The following PRKG1 variants were observed in gnomAD, a reference collection of about 807,000 sequenced individuals.
The protein encoded by PRKG1 is cGMP-dependent protein kinase 1.
Under a neutral mutation model 88.1 loss-of-function variants are expected in PRKG1, and 35 were observed. That is an observed-to-expected ratio of 0.40 (90% confidence interval 0.30 to 0.53). The LOEUF (loss-of-function observed/expected upper bound fraction) is 0.53, where lower values mean the gene tolerates loss of function less well. Among genes scored for constraint, PRKG1 ranks in the 20% least tolerant of loss-of-function variants. PRKG1 has a pLI of 0.59. For synonymous variants in PRKG1, 303 were observed against 292.5 expected (o/e 1.04, Z -0.37); for missense variants, 540 against 839.8 (o/e 0.64, Z 4.41).
intron 3 of PRKG1, among the ~76,000 whole-genome samples, chr10:51,513,626 C>A: frequency 1.2e-5 from 1 of 80,374 alleles, no homozygotes. Context: ...TGTAAAAGAA[C>A]AGAAATTATA....
intron 3 of PRKG1, among the ~76,000 whole-genome samples, chr10:51,559,117 A>G (rs915638585): frequency 1.3e-5 from 2 of 152,034 alleles, no homozygotes; most frequent in Non-Finnish European, 2.9e-5. Context: ...AGATATACAT[A>G]TATATATGGC....
chr10:52,272,823 A>G (rs1458993491), intron 12 of PRKG1, among the ~76,000 whole-genome samples: 1 of 152,094 alleles, frequency 6.6e-6, no homozygotes, highest in East Asian at 1.9e-4. Context: ...TAGTTATTTT[A>G]TAATTATAAT....
At chr10:51,871,390 T>A (rs537169827) in intron 4 of PRKG1, among the ~76,000 whole-genome samples, 2 of 152,248 alleles carry the variant, frequency 1.3e-5, no homozygotes, top group Non-Finnish European at 2.9e-5. Flanking sequence ...GCTTCCCCCA[T>A]CTCTAGGACT....
chr10:51,280,423 C>T (rs1444052892), intron 2 of PRKG1, among the ~76,000 whole-genome samples: 1 of 152,182 alleles, frequency 6.6e-6, no homozygotes, highest in Non-Finnish European at 1.5e-5. Context: ...GCCTGCCTTG[C>T]TAGGTTGGGG....
intron 5 of PRKG1, among the ~76,000 whole-genome samples, chr10:52,007,452 C>T (rs947183573): frequency 2.6e-5 from 4 of 152,058 alleles, no homozygotes; most frequent in African/African-American, 9.7e-5. Flanking sequence ...GCAAAGAAAA[C>T]ACAGAATAAA....
intron 8 of PRKG1, among the ~76,000 whole-genome samples, chr10:52,148,470 A>G (rs943973399): frequency 3.8e-4 from 58 of 152,348 alleles, no homozygotes; most frequent in African/African-American, 1.3e-3. Context: ...AAAACTGAAC[A>G]TATCTTAAAC....
intron 3 of PRKG1, among the ~76,000 whole-genome samples, chr10:51,483,579 C>T (rs1840435171): frequency 6.6e-6 from 1 of 152,166 alleles, no homozygotes; most frequent in Non-Finnish European, 1.5e-5. Flanking sequence ...CACAATTCCA[C>T]TTTCCAGTTT....
At chr10:51,907,865 C>G in intron 5 of PRKG1, 1 of 267,450 alleles carries the variant, frequency 3.7e-6, no homozygotes, top group Non-Finnish European at 7.0e-6. Context: ...CTTATTTTAA[C>G]TAGTGTAAAG....
chr10:51,044,267 A>G (rs556187386), intron 1 of PRKG1, among the ~76,000 whole-genome samples: 12 of 152,190 alleles, frequency 7.9e-5, no homozygotes, highest in Non-Finnish European at 1.3e-4. Flanking sequence ...AGATGAGCCT[A>G]AACTGGGTCT....
intron 3 of PRKG1, among the ~76,000 whole-genome samples, chr10:51,783,130 C>T (rs548262172): frequency 6.6e-6 from 1 of 152,096 alleles, no homozygotes; most frequent in African/African-American, 2.4e-5. Context: ...ATTAAATTGC[C>T]TCCTGATTTT....
intron 5 of PRKG1, among the ~76,000 whole-genome samples, chr10:51,941,965 C>T (rs1343279717): frequency 2.0e-5 from 3 of 151,860 alleles, no homozygotes; most frequent in Non-Finnish European, 4.4e-5. Context: ...GGGTATATAC[C>T]CAGTAAGGGG....
intron 4 of PRKG1, among the ~76,000 whole-genome samples, chr10:51,886,379 T>C (rs1841569567): frequency 6.6e-6 from 1 of 152,226 alleles, no homozygotes; most frequent in Non-Finnish European, 1.5e-5. Flanking sequence ...TTTAAAGATA[T>C]GGCAAAAGGA....
chr10:51,260,530 A>G (rs1839679073), intron 2 of PRKG1, among the ~76,000 whole-genome samples: 1 of 152,200 alleles, frequency 6.6e-6, no homozygotes, highest in Admixed American at 6.5e-5. Context: ...GTATTTCTAG[A>G]CTAGCACTAA....
At chr10:51,151,569 G>GT (rs11326259) in intron 1 of PRKG1, among the ~76,000 whole-genome samples, 186 of 146,192 alleles carry the variant, frequency 1.3e-3, no homozygotes, top group East Asian at 6.5e-3. Context: ...TTTTGTTTTT[G>GT]TTTTTTTTTT....
chr10:51,384,670 T>G (rs1837201848), intron 2 of PRKG1, among the ~76,000 whole-genome samples: 1 of 152,126 alleles, frequency 6.6e-6, no homozygotes, highest in South Asian at 2.1e-4. Flanking sequence ...TCCTCTCTAT[T>G]ATTAGACTCT....
At chr10:51,756,050 A>T (rs1837851571) in intron 3 of PRKG1, among the ~76,000 whole-genome samples, 1 of 152,252 alleles carries the variant, frequency 6.6e-6, no homozygotes, top group South Asian at 2.1e-4. Flanking sequence ...AAATGATAGG[A>T]GAAACATATA....
At chr10:51,960,242 T>C (rs745856579) in intron 5 of PRKG1, among the ~76,000 whole-genome samples, 3 of 152,040 alleles carry the variant, frequency 2.0e-5, no homozygotes, top group Non-Finnish European at 4.4e-5. Flanking sequence ...TGAACTCATT[T>C]AAATGAGCTA....
At chr10:51,844,188 C>G (rs1314171671) in intron 4 of PRKG1, among the ~76,000 whole-genome samples, 1 of 151,980 alleles carries the variant, frequency 6.6e-6, no homozygotes, top group Non-Finnish European at 1.5e-5. Flanking sequence ...ATGCTGATGG[C>G]AATCATGAGC....
intron 2 of PRKG1, among the ~76,000 whole-genome samples, chr10:51,277,075 T>C (rs752223105): frequency 6.6e-6 from 1 of 152,242 alleles, no homozygotes; most frequent in Non-Finnish European, 1.5e-5. Flanking sequence ...AGTTTTCTTC[T>C]AGGGTTTTTA....
Sources: gnomAD v4.1 joint callset for allele counts (sites outside exome capture counted in the v4.1 genomes callset) on GRCh38, gnomAD v4.1.1 for gene constraint, MANE v1.5 for transcripts, NCBI Gene and HGNC (gene_info 2026-07-23, HGNC 2026-07-21) for gene names.